The following PDZD2 variants were observed in gnomAD, a reference collection of about 807,000 sequenced individuals.
PDZD2 encodes PDZ domain containing 2.
PDZD2 carries 90 observed loss-of-function variants against 220.7 expected under a neutral mutation model. The ratio of observed to expected loss-of-function variants is 0.41; its 90% CI spans 0.34 to 0.49. The LOEUF (loss-of-function observed/expected upper bound fraction) is 0.49, where lower values mean the gene tolerates loss of function less well. Among genes scored for constraint, PDZD2 ranks in the 20% least tolerant of loss-of-function variants. PDZD2 has a pLI of 0.28. For synonymous variants in PDZD2, 1,375 were observed against 1,450.5 expected (o/e 0.95, Z 1.18); for missense variants, 3,174 against 3,608.5 (o/e 0.88, Z 3.08).
rs1364199966 is a variant in PDZD2, at chr5:31,799,631, G to T, written c.383G>T (p.Ser128Ile). 3 of 1,614,086 alleles carry T rather than the reference G, an allele frequency of 1.9e-6. No homozygotes were observed. The South Asian group carries it at 3.3e-5, about 18-fold the overall frequency. The change falls in exon 2 of 25, where the codon AGC becomes ATC. Residue 128 changes from serine (S) to isoleucine (I), a missense_variant. Transcript: ENST00000438447. ...CIWVTELRKN[S>I]PAGKSGKVRL... is the part of the protein sequence containing the mutation. ...TGGGTGACAGAGCTGAGGAAGAACA[G>T]CCCAGCAGGGAAGAGTGGGAAGGTC...
intron 20 of PDZD2, 75 bp from the exon 21 acceptor site, chr5:32,092,832 T>A: frequency 1.4e-6 from 1 of 722,016 alleles, no homozygotes; most frequent in East Asian, 2.8e-5. Flanking sequence ...AAGGAGATCA[T>A]TTTAAATGCA....
At chr5:31,663,061 C>A (rs920789868) in intron 1 of PDZD2, among the ~76,000 whole-genome samples, 5 of 152,212 alleles carry the variant, frequency 3.3e-5, no homozygotes, top group African/African-American at 1.2e-4. Context: ...CCCTTTCCTG[C>A]CCCTCACTAC....
intron 2 of PDZD2, among the ~76,000 whole-genome samples, chr5:31,920,728 C>A (rs1744173222): frequency 6.6e-6 from 1 of 152,092 alleles, no homozygotes; most frequent in South Asian, 2.1e-4. Context: ...CCATCATTAT[C>A]ATACAGAGAA....
chr5:31,953,138 T>C (rs1747331240), intron 2 of PDZD2, among the ~76,000 whole-genome samples: 1 of 151,248 alleles, frequency 6.6e-6, no homozygotes, highest in Non-Finnish European at 1.5e-5. Flanking sequence ...TTTAAAGTTC[T>C]AGTAATTAAA....
chr5:31,693,240 CTT>C (rs10650316), intron 1 of PDZD2, among the ~76,000 whole-genome samples: 19,222 of 87,298 alleles, frequency 0.22, 1,805 homozygotes, highest in East Asian at 0.33. Flanking sequence ...TGGGAAAGCA[CTT>C]TTTTTTTTTT....
In PDZD2 at chr5:32,087,144, C is replaced by A. The variant is rs1437409052; in HGVS notation, c.3696C>A (p.Ser1232=). Residue 1232 remains serine, a synonymous_variant, in exon 20 of 25, where the codon TCC becomes TCA. Transcript: ENST00000438447. This position sits in a 1 kb window ranked among gnomAD's most constrained non-coding sequence, Gnocchi z 4.0. ...GQQPMTELDS[S]SDLISSPGKK... ...TTCCCCACGTAGAACTGGACAGCTC[C>A]TCAGACCTCATCTCTTCCCCAGGGA... 1 of 1,609,810 alleles carries A rather than the reference C, an allele frequency of 6.2e-7. No homozygotes were observed. Among genetic ancestry groups the A allele is most frequent in the South Asian group, 1.1e-5 (1 of 90,890 alleles).
At position 32,087,324 on chromosome 5, in the gene PDZD2, G is replaced by C; in HGVS notation, c.3876G>C (p.Pro1292=). Reference sequence around the variant, plus strand: ...TCCCCCATGAGGGCAGCCCCTCCCCGGGGGAGAAAGCAGCGGCTCCCCCTG... The same window carrying C: ...TCCCCCATGAGGGCAGCCCCTCCCCCGGGGAGAAAGCAGCGGCTCCCCCTG... ...VRLPHEGSPS[P]GEKAAAPPDY... is the part of the protein sequence containing the mutation. Residue 1292 remains proline, a synonymous_variant, in exon 20 of 25, where the codon CCG becomes CCC. Coordinates refer to ENST00000438447, the MANE Select transcript of PDZD2 (RefSeq NM_178140.4). The surrounding 1 kb of genome is among the most constrained non-coding windows in gnomAD (Gnocchi z 4.0). 1 of 1,614,140 alleles carries C rather than the reference G, an allele frequency of 6.2e-7. No homozygotes were observed. Among genetic ancestry groups the C allele is most frequent in the Non-Finnish European group, 8.5e-7 (1 of 1,179,992 alleles).
At chr5:32,085,913 G>A (rs910680113) in intron 19 of PDZD2, among the ~76,000 whole-genome samples, 8 of 151,004 alleles carry the variant, frequency 5.3e-5, no homozygotes, top group African/African-American at 1.7e-4. Context: ...GAATTGTACC[G>A]AATCTATAGA....
intron 1 of PDZD2, among the ~76,000 whole-genome samples, chr5:31,729,026 G>C (rs1749348652): frequency 6.8e-6 from 1 of 148,002 alleles, no homozygotes; most frequent in Non-Finnish European, 1.5e-5. Flanking sequence ...GCCGCAATGT[G>C]CATCTTCTAT....
At chr5:31,871,096 G>A (rs923120399) in intron 2 of PDZD2, among the ~76,000 whole-genome samples, 1 of 152,138 alleles carries the variant, frequency 6.6e-6, no homozygotes, top group Non-Finnish European at 1.5e-5. Flanking sequence ...TTCTAAGTTA[G>A]CATTAATTTA....
At chr5:31,858,661 A>G (rs565680729) in intron 2 of PDZD2, among the ~76,000 whole-genome samples, 2 of 151,974 alleles carry the variant, frequency 1.3e-5, no homozygotes, top group Non-Finnish European at 2.9e-5. Context: ...GCCTTTTGAG[A>G]TGTCTTTTCA....
At chr5:31,943,203 CAAAAA>C (rs368213219) in intron 2 of PDZD2, among the ~76,000 whole-genome samples, 2 of 146,096 alleles carry the variant, frequency 1.4e-5, no homozygotes, top group Non-Finnish European at 3.0e-5. Context: ...ACTGTGTCTC[CAAAAA>C]AAAAAAAATC....
chr5:31,999,063 G>A (rs942646288), intron 4 of PDZD2, among the ~76,000 whole-genome samples: 4 of 152,254 alleles, frequency 2.6e-5, no homozygotes, highest in African/African-American at 9.6e-5. Context: ...CCCTCCCTAG[G>A]GGAGGCAGTC....
In PDZD2 at chr5:32,089,593, G is replaced by A; in HGVS notation, c.6145G>A (p.Gly2049Arg). The change falls in exon 20 of 25, where the codon GGG (glycine) becomes AGG (arginine). Residue 2049 changes from glycine to arginine, a missense_variant. Around this residue, in one of 4 missense-constraint regions of PDZD2, gnomAD observed 1,861 missense variants for 2,001.0 expected, o/e 0.93. Transcript: ENST00000438447. ...GTCTAGGAACGGCATGTCCGTGGCA[G>A]GGAACAGACAGAGTGAGCCGCGCCT... is the stretch of plus-strand genomic sequence containing the variant. ...AASRNGMSVA[G>R]NRQSEPRLAS... 1.2e-6 allele frequency: 2 copies of A among 1,612,720 alleles called. No homozygotes were observed. Among genetic ancestry groups the A allele is most frequent in the East Asian group, 2.2e-5 (1 of 44,878 alleles).
chr5:31,977,682 A>T (rs1749906480), intron 2 of PDZD2, among the ~76,000 whole-genome samples: 1 of 152,190 alleles, frequency 6.6e-6, no homozygotes, highest in African/African-American at 2.4e-5. Flanking sequence ...GAGGTAAAGA[A>T]CTACAACTGG....
At chr5:31,717,063 G>A (rs1748496418) in intron 1 of PDZD2, among the ~76,000 whole-genome samples, 1 of 151,976 alleles carries the variant, frequency 6.6e-6, no homozygotes, top group Non-Finnish European at 1.5e-5. Context: ...AGAAGAGGAA[G>A]TCTCTCCCCA....
At chr5:31,891,216 C>G (rs1434724722) in intron 2 of PDZD2, among the ~76,000 whole-genome samples, 1 of 148,948 alleles carries the variant, frequency 6.7e-6, no homozygotes, top group African/African-American at 2.5e-5. Flanking sequence ...GGCTCACTGC[C>G]ATCTCAGCCT....
At chr5:31,969,787 T>C (rs1749129941) in intron 2 of PDZD2, among the ~76,000 whole-genome samples, 1 of 152,204 alleles carries the variant, frequency 6.6e-6, no homozygotes. Context: ...AAGTCATCTT[T>C]TAAAGAGTCT....
At chr5:31,789,159 G>A (rs1206640948) in intron 1 of PDZD2, among the ~76,000 whole-genome samples, 2 of 152,150 alleles carry the variant, frequency 1.3e-5, no homozygotes, top group Non-Finnish European at 2.9e-5. Context: ...TCACAAGATG[G>A]TTGCTAAAGC....
Sources: allele counts gnomAD v4.1 joint callset (sites outside exome capture counted in the v4.1 genomes callset), GRCh38; gene constraint gnomAD v4.1.1; regional missense constraint gnomAD v4.1.1; non-coding constraint Gnocchi (gnomAD v3.1); transcripts MANE v1.5; gene names NCBI Gene and HGNC (gene_info 2026-07-23, HGNC 2026-07-21).